The following TYRO3 variants were observed in gnomAD, a reference collection of about 807,000 sequenced individuals.
TYRO3 encodes TYRO3 protein tyrosine kinase.
TYRO3 carries 38 observed loss-of-function variants against 95.2 expected under a neutral mutation model. The observed-to-expected ratio is 0.40, with a 90% CI of 0.31 to 0.52. The LOEUF is 0.52. Ranked by LOEUF, TYRO3 falls within the 20% of genes least tolerant of loss-of-function variation. TYRO3 has a pLI of 0.56. For synonymous variants in TYRO3, 367 were observed against 432.9 expected (o/e 0.85, Z 1.89); for missense variants, 812 against 1,116.4 (o/e 0.73, Z 3.89).
intron 4 of TYRO3, among the ~76,000 whole-genome samples, chr15:41,563,413 CAT>C (rs2055681765): frequency 6.6e-6 from 1 of 152,142 alleles, no homozygotes; most frequent in Non-Finnish European, 1.5e-5. Context: ...AGCTTGGTCT[CAT>C]GTGCTGGAAG....
At chr15:41,563,857 G>C (rs1435278127) in intron 4 of TYRO3, among the ~76,000 whole-genome samples, 1 of 152,176 alleles carries the variant, frequency 6.6e-6, no homozygotes, top group Non-Finnish European at 1.5e-5. Flanking sequence ...CAGAAAAGGG[G>C]GGCAATTTGT....
intron 1 of TYRO3, among the ~76,000 whole-genome samples, chr15:41,560,426 TGTGCGCGCGC>T (rs1255810512): frequency 2.2e-5 from 3 of 134,370 alleles, no homozygotes; most frequent in African/African-American, 8.6e-5. Flanking sequence ...TGTGTGTGTG[TGTGCGCGCGC>T]GCGCGCGCGC....
At chr15:41,568,499 C>T (rs2055753666) in intron 8 of TYRO3, 137 bp downstream of exon 8, 3 of 847,678 alleles carry the variant, frequency 3.5e-6, no homozygotes, top group Admixed American at 2.8e-5. Flanking sequence ...TTCCTCCTCA[C>T]CCTCCTCTGC....
intron 5 of TYRO3, 144 bp from the exon 6 acceptor site, chr15:41,564,882 A>C: frequency 1.6e-6 from 1 of 638,024 alleles, no homozygotes; most frequent in South Asian, 1.8e-5. Flanking sequence ...TTTGTGTACT[A>C]CTGTGATCCT....
chr15:41,581,010 A>C lies in TYRO3; in HGVS notation c.*2734A>C, dbSNP rs1214209029. On this transcript the variant is annotated 3_prime_UTR_variant, in exon 19 of 19. Coordinates refer to ENST00000263798, the MANE Select transcript of TYRO3 (RefSeq NM_006293.4). Reference sequence around the variant, plus strand: ...GTTCGAGACCAGCCTGGGCAACATGAAACCCCATCTCAACTAAAAATTCAA... The same window carrying C: ...GTTCGAGACCAGCCTGGGCAACATGCAACCCCATCTCAACTAAAAATTCAA... 6.6e-6 allele frequency: 1 copy of C among 152,148 alleles called. No individual in the cohort carries two copies. Among genetic ancestry groups the C allele is most frequent in the African/African-American group, 2.4e-5 (1 of 41,398 alleles). 9.4% of individuals were successfully genotyped at this position (152,148 alleles called of 1,614,324 possible).
rs1174691245 is a variant in TYRO3, at chr15:41,578,538, T to C, written c.*262T>C. 2 of 542,298 alleles carry C rather than the reference T, an allele frequency of 3.7e-6. No individual in the cohort carries two copies. Among genetic ancestry groups the C allele is most frequent in the Non-Finnish European group, 6.5e-6 (2 of 306,886 alleles). 33.6% of individuals were successfully genotyped at this position (542,298 alleles called of 1,614,324 possible). On this transcript the variant is annotated 3_prime_UTR_variant, in exon 19 of 19. Coordinates refer to ENST00000263798, the MANE Select transcript of TYRO3 (RefSeq NM_006293.4). Reference sequence around the variant, plus strand: ...TCCTGGTTGTCTGAACCCAGGCAGCTGGCAGGAGTGGGGTGGTTATGTTTC... The same window carrying C: ...TCCTGGTTGTCTGAACCCAGGCAGCCGGCAGGAGTGGGGTGGTTATGTTTC...
In TYRO3 at chr15:41,577,951, G is replaced by A. The variant is rs757149099; in HGVS notation, c.2348G>A (p.Arg783Gln). Residue 783 changes from arginine to glutamine, a missense_variant, in exon 19 of 19, where the codon CGA (arginine) becomes CAA (glutamine). By Grantham distance (43) the Arg-to-Gln change is conservative. Coordinates refer to ENST00000263798, the MANE Select transcript of TYRO3 (RefSeq NM_006293.4). ...CAGCGCCCGAGCTTTACTTGTCTGC[G>A]AATGGAACTGGAGAACATCTTGGGC... Reference protein sequence around the residue: ...PKQRPSFTCLRMELENILGQL... With the variant: ...PKQRPSFTCLQMELENILGQL... 16 of 1,613,506 alleles carry A rather than the reference G, an allele frequency of 9.9e-6. No homozygotes were observed. The highest frequency in any genetic ancestry group is 3.5e-4 in the Middle Eastern group (2 of 5,710).
chr15:41,564,348 C>A, intron 5 of TYRO3, 78 bp downstream of exon 5: 2 of 1,387,142 alleles, frequency 1.4e-6, no homozygotes, highest in Non-Finnish European at 2.0e-6. Flanking sequence ...TAGAATCATT[C>A]TGTGTTCCAG....
chr15:41,576,183 T>C (rs2055858491), intron 18 of TYRO3, among the ~76,000 whole-genome samples: 1 of 151,768 alleles, frequency 6.6e-6, no homozygotes, highest in Admixed American at 6.6e-5. Flanking sequence ...AAGTTATATA[T>C]GAATAGTGAG....
chr15:41,574,420 A>ATAATGGGAAATGCC lies in TYRO3; in HGVS notation c.2282+605_2282+606insTAATGGGAAATGCC, dbSNP rs1429854219. ...GACAAGATAATGGGAAGTGTCACTG[A>ATAATGGGAAATGCC]CATTAGCTGGGCATTTAGGCATTCT... On this transcript the variant is annotated intron_variant, in intron 18 of 18. Coordinates refer to ENST00000263798, the MANE Select transcript of TYRO3 (RefSeq NM_006293.4). Among the ~76,000 whole-genome samples the ATAATGGGAAATGCC allele has an allele frequency of 3.9e-5, 6 of 152,332 alleles. 1 individual carries two copies. Among genetic ancestry groups the ATAATGGGAAATGCC allele is most frequent in the Admixed American group, 3.9e-4 (6 of 15,294 alleles).
chr15:41,575,857 G>C (rs551897642), intron 18 of TYRO3, among the ~76,000 whole-genome samples: 1 of 152,184 alleles, frequency 6.6e-6, no homozygotes, highest in Non-Finnish European at 1.5e-5. Context: ...GCTCACGCCC[G>C]TAATCCCAGC....
chr15:41,572,324 T>TA (rs2055806670), intron 14 of TYRO3, 119 bp from the exon 15 acceptor site: 2 of 1,425,832 alleles, frequency 1.4e-6, no homozygotes, highest in African/African-American at 2.9e-5. Flanking sequence ...TGTGAAAAAA[T>TA]AAAAAATAAA....
At chr15:41,560,881 C>T (rs2055643822) in intron 1 of TYRO3, among the ~76,000 whole-genome samples, 1 of 151,816 alleles carries the variant, frequency 6.6e-6, no homozygotes, top group Non-Finnish European at 1.5e-5. Context: ...GCTGTCTGGG[C>T]TCAGAAGGAG....
In TYRO3 at chr15:41,567,387, G is replaced by C; in HGVS notation, c.811G>C (p.Val271Leu). The C allele has an allele frequency of 6.3e-7, 1 of 1,589,124 alleles. No homozygotes were observed. Among genetic ancestry groups the C allele is most frequent in the African/African-American group, 1.4e-5 (1 of 73,726 alleles). ...GACACAGGCCCCAGGAGGCTGGGAA[G>C]TCCTGGCTGTTGTGGTCCCTGTGCC... is the stretch of plus-strand genomic sequence containing the variant. ...QVTQAPGGWE[V>L]LAVVVPVPPF... Residue 271 changes from valine (V) to leucine (L), a missense_variant, in exon 7 of 19, where the codon GTC (valine) becomes CTC (leucine). Val to Leu is a conservative substitution (Grantham distance 32). Coordinates refer to ENST00000263798, the MANE Select transcript of TYRO3 (RefSeq NM_006293.4).
Position 41,573,329 on chromosome 15 carries a change from G to A in TYRO3, c.2007G>A (p.Val669=). 1 of 1,614,252 alleles carries A rather than the reference G, an allele frequency of 6.2e-7. No homozygotes were observed. The highest frequency in any genetic ancestry group is 1.1e-5 in the South Asian group (1 of 91,086). ...GTAGGCTGGCAGAGGACATGACAGT[G>A]TGTGTGGCTGACTTCGGACTCTCCC... ...RNCMLAEDMT[V]CVADFGLSRK... The change falls in exon 17 of 19, where the codon GTG becomes GTA. Residue 669 remains valine, a synonymous_variant. Coordinates refer to ENST00000263798, the MANE Select transcript of TYRO3 (RefSeq NM_006293.4).
intron 18 of TYRO3, chr15:41,574,739 AGACAGG>A: frequency 2.2e-6 from 1 of 454,288 alleles, no homozygotes; most frequent in Non-Finnish European, 4.4e-6. Context: ...TTGTTTTTTG[AGACAGG>A]GTCTCGCTTT....
intron 18 of TYRO3, among the ~76,000 whole-genome samples, chr15:41,575,223 C>T (rs1416114083): frequency 6.6e-6 from 1 of 152,226 alleles, no homozygotes; most frequent in Non-Finnish European, 1.5e-5. Context: ...CTCACCTACA[C>T]CTGAGAGGGA....
chr15:41,568,710 C>T (rs1018378420), intron 8 of TYRO3, among the ~76,000 whole-genome samples, 168 bp from the exon 9 acceptor site: 8 of 152,082 alleles, frequency 5.3e-5, no homozygotes, highest in East Asian at 1.9e-4. Context: ...CCCCTGCAGC[C>T]GGGAACAGGA....
intron 5 of TYRO3, 127 bp downstream of exon 5, chr15:41,564,397 G>T: frequency 2.2e-6 from 2 of 893,094 alleles, no homozygotes; most frequent in Non-Finnish European, 1.8e-6. Flanking sequence ...GGAGCAAGGG[G>T]TTAATTGGCA....
Sources: gnomAD v4.1 joint callset for allele counts (sites outside exome capture counted in the v4.1 genomes callset) on GRCh38, gnomAD v4.1.1 for gene constraint, MANE v1.5 for transcripts, NCBI Gene and HGNC (gene_info 2026-07-23, HGNC 2026-07-21) for gene names.